The following UBE3D variants were observed in gnomAD, a reference collection of about 807,000 sequenced individuals.
UBE3D encodes ubiquitin protein ligase E3D.
In UBE3D, 48 loss-of-function variants were observed where a neutral mutation model predicts 49.6. The ratio of observed to expected loss-of-function variants is 0.97; its 90% CI spans 0.77 to 1.23. The LOEUF is 1.23. Ranked by LOEUF, UBE3D falls within the 50% of genes most tolerant of loss-of-function variation. The pLI is 0.00. For synonymous variants in UBE3D, 189 were observed against 174.2 expected (o/e 1.08, Z -0.67); for missense variants, 452 against 468.4 (o/e 0.96, Z 0.32).
At chr6:83,040,059 G>A (rs1402712654) in intron 4 of UBE3D, among the ~76,000 whole-genome samples, 1 of 152,096 alleles carries the variant, frequency 6.6e-6, no homozygotes, top group Non-Finnish European at 1.5e-5. Context: ...GTGTGCATGA[G>A]TGTATGTGTG....
At chr6:82,913,121 G>A (rs1285606742) in intron 9 of UBE3D, among the ~76,000 whole-genome samples, 1 of 152,150 alleles carries the variant, frequency 6.6e-6, no homozygotes, top group Non-Finnish European at 1.5e-5. Flanking sequence ...TCGCTCTGTG[G>A]TTTGAGGCCA....
At chr6:82,986,914 C>T (rs1778557668) in intron 8 of UBE3D, among the ~76,000 whole-genome samples, 1 of 150,994 alleles carries the variant, frequency 6.6e-6, no homozygotes, top group Non-Finnish European at 1.5e-5. Flanking sequence ...TTTCAAAAAG[C>T]CTGCCCGCCT....
At chr6:82,982,454 T>A (rs1462445509) in intron 8 of UBE3D, among the ~76,000 whole-genome samples, 3 of 152,158 alleles carry the variant, frequency 2.0e-5, no homozygotes, top group African/African-American at 7.2e-5. Context: ...AATCTGTAGG[T>A]TCTCCTTCCT....
At chr6:82,976,192 C>T (rs1024625079) in intron 8 of UBE3D, among the ~76,000 whole-genome samples, 1 of 152,208 alleles carries the variant, frequency 6.6e-6, no homozygotes, top group Non-Finnish European at 1.5e-5. Context: ...CAACCAAACA[C>T]TCAACCTAAC....
At chr6:82,913,970 C>T (rs1772721380) in intron 9 of UBE3D, among the ~76,000 whole-genome samples, 1 of 152,250 alleles carries the variant, frequency 6.6e-6, no homozygotes, top group South Asian at 2.1e-4. Flanking sequence ...CTTTGGCTCA[C>T]AGAATTACAG....
intron 9 of UBE3D, among the ~76,000 whole-genome samples, chr6:82,934,596 A>C (rs1311853775): frequency 3.3e-5 from 5 of 151,988 alleles, no homozygotes; most frequent in African/African-American, 1.2e-4. Flanking sequence ...GGAGGAGAAA[A>C]CAGTTGTTAA....
At chr6:82,980,297 T>C (rs1582535344) in intron 8 of UBE3D, among the ~76,000 whole-genome samples, 1 of 152,180 alleles carries the variant, frequency 6.6e-6, no homozygotes, top group East Asian at 1.9e-4. Flanking sequence ...TGTAAGATGA[T>C]ATCCCATTGT....
At chr6:82,913,560 C>G (rs1181724529) in intron 9 of UBE3D, among the ~76,000 whole-genome samples, 1 of 152,172 alleles carries the variant, frequency 6.6e-6, no homozygotes, top group African/African-American at 2.4e-5. Flanking sequence ...CTGGGCCTTA[C>G]CTGTCACCAT....
intron 8 of UBE3D, among the ~76,000 whole-genome samples, chr6:82,997,856 G>C (rs1400364069): frequency 4.6e-5 from 7 of 152,220 alleles, no homozygotes; most frequent in Non-Finnish European, 8.8e-5. Context: ...TATACAGACG[G>C]GAGTGAAATT....
intron 6 of UBE3D, among the ~76,000 whole-genome samples, chr6:83,022,892 A>G (rs1781204848): frequency 6.6e-6 from 1 of 152,350 alleles, no homozygotes; most frequent in African/African-American, 2.4e-5. Flanking sequence ...TAAACAGAGA[A>G]TAACTAACTT....
chr6:82,905,174 T>C (rs1260681572), intron 9 of UBE3D, among the ~76,000 whole-genome samples: 3 of 152,214 alleles, frequency 2.0e-5, no homozygotes, highest in Non-Finnish European at 2.9e-5. Flanking sequence ...CTTTACTTTA[T>C]TGTACTTTGC....
chr6:82,980,970 A>G (rs959853984), intron 8 of UBE3D, among the ~76,000 whole-genome samples: 1 of 152,062 alleles, frequency 6.6e-6, no homozygotes, highest in Non-Finnish European at 1.5e-5. Context: ...TATCATATGG[A>G]TGAGTTTCCT....
At chr6:83,050,888 G>C (rs1258514577) in intron 3 of UBE3D, among the ~76,000 whole-genome samples, 1 of 147,598 alleles carries the variant, frequency 6.8e-6, no homozygotes, top group Non-Finnish European at 1.5e-5. Flanking sequence ...ACATGAAAAG[G>C]TTTTTGGGTA....
At chr6:82,961,786 A>T (rs1401394652) in intron 8 of UBE3D, among the ~76,000 whole-genome samples, 1 of 151,840 alleles carries the variant, frequency 6.6e-6, no homozygotes. Flanking sequence ...ATATGGAGAA[A>T]CCCTGTCTCT....
chr6:82,911,271 C>T (rs1772506578), intron 9 of UBE3D, among the ~76,000 whole-genome samples: 1 of 141,788 alleles, frequency 7.1e-6, no homozygotes, highest in Admixed American at 7.3e-5. Flanking sequence ...TCATTTATTA[C>T]CTTAATGCAA....
chr6:83,027,434 C>CAAAAAAAAAAAAAAAAAAAAAAAAA lies in UBE3D; in HGVS notation c.668-3421_668-3397dup, dbSNP rs61225462. Among the ~76,000 whole-genome samples the CAAAAAAAAAAAAAAAAAAAAAAAAA allele has an allele frequency of 6.9e-4, 24 of 34,644 alleles. 7 individuals are homozygous for CAAAAAAAAAAAAAAAAAAAAAAAAA. The highest frequency in any genetic ancestry group is 1.4e-3 in the Admixed American group (3 of 2,204). 22.7% of individuals were successfully genotyped at this position (34,644 alleles called of 152,430 possible). A position where few individuals can be genotyped will look rare whatever the true frequency, so the allele number is the denominator to read the frequency against. ...CTGGCGACAGAGCGAGACTCCGTCT[C>CAAAAAAAAAAAAAAAAAAAAAAAAA]AAAAAAAAAAAAAAAAAAAAAAAAA... On this transcript the variant is annotated intron_variant, in intron 5 of 9. Coordinates refer to ENST00000369747, the MANE Select transcript of UBE3D (RefSeq NM_198920.3).
downstream of UBE3D, among the ~76,000 whole-genome samples, chr6:82,892,059 G>T (rs542645520): frequency 7.0e-4 from 106 of 152,268 alleles, 1 homozygote; most frequent in African/African-American, 2.3e-3. Context: ...AAAACTCAGG[G>T]TTTTTGAGGC....
intron 4 of UBE3D, among the ~76,000 whole-genome samples, chr6:83,042,596 G>A (rs79073175): frequency 0.014 from 2,105 of 152,290 alleles, 29 homozygotes; most frequent in Middle Eastern, 0.037. Flanking sequence ...GACAGACATT[G>A]TTGTGCACTA....
rs372347329 is a variant in UBE3D at position 82,900,427 on chromosome 6, C to A, written c.1150-7385G>T. On this transcript the variant is annotated intron_variant, in intron 9 of 9. Coordinates refer to ENST00000369747, the MANE Select transcript of UBE3D (RefSeq NM_198920.3). ...TGGAAATCCTAGGAGGGGCCATGAA[C>A]CCCTATATTGTGGAACAAAATAGAT... Among the ~76,000 whole-genome samples the A allele has an allele frequency of 1.4e-4, 22 of 152,142 alleles. 1 individual carries two copies. Among genetic ancestry groups the A allele is most frequent in the East Asian group, 9.6e-4 (5 of 5,190 alleles).
Sources: gnomAD v4.1 joint callset for allele counts (sites outside exome capture counted in the v4.1 genomes callset) on GRCh38, gnomAD v4.1.1 for gene constraint, MANE v1.5 for transcripts, NCBI Gene and HGNC (gene_info 2026-07-23, HGNC 2026-07-21) for gene names.